ENTREP2: variants seen among roughly 807,000 people sequenced by gnomAD.
ENTREP2 encodes the protein protein ENTREP2.
At chr15:29,635,304 G>A in the ENTREP2 span, among the ~76,000 whole-genome samples, 1 of 152,190 alleles carries the variant, frequency 6.6e-6, no homozygotes, top group Admixed American at 6.5e-5. Context: ...CTGCCAGCCA[G>A]CAGTCAGTTC....
the ENTREP2 span, among the ~76,000 whole-genome samples, chr15:29,615,392 G>A: frequency 4.5e-4 from 68 of 152,162 alleles, no homozygotes; most frequent in South Asian, 1.5e-3. Context: ...CTGACCTCAG[G>A]TGATCCGCCC....
chr15:29,386,906 C>A, the ENTREP2 span, among the ~76,000 whole-genome samples: 7 of 152,132 alleles, frequency 4.6e-5, no homozygotes, highest in Non-Finnish European at 1.0e-4. Context: ...GGGCTGAGAC[C>A]ATGGGGTTTT....
chr15:29,670,372 G>A, the ENTREP2 span, among the ~76,000 whole-genome samples: 2 of 152,010 alleles, frequency 1.3e-5, no homozygotes, highest in Admixed American at 6.5e-5. Flanking sequence ...TGGTTCCAGC[G>A]GTGATTCCCA....
At chr15:29,263,916 T>C in the ENTREP2 span, among the ~76,000 whole-genome samples, 4 of 152,030 alleles carry the variant, frequency 2.6e-5, no homozygotes. Context: ...CCCAGCACTT[T>C]GGGAGGCCGA....
chr15:29,553,679 G>A, the ENTREP2 span, among the ~76,000 whole-genome samples: 1 of 152,124 alleles, frequency 6.6e-6, no homozygotes, highest in Non-Finnish European at 1.5e-5. Context: ...TACTAGCTCT[G>A]GGGGAAGCAG....
chr15:29,347,734 A>G, the ENTREP2 span, among the ~76,000 whole-genome samples: 130 of 152,344 alleles, frequency 8.5e-4, no homozygotes, highest in African/African-American at 3.0e-3. Context: ...CAAAGCATTC[A>G]CATGAAGTCC....
At chr15:29,159,711 T>C in the ENTREP2 span, among the ~76,000 whole-genome samples, 5,784 of 152,146 alleles carry the variant, frequency 0.038, 342 homozygotes, top group African/African-American at 0.13. Flanking sequence ...AGAGTGTCGA[T>C]TGGTGCATTC....
chr15:29,539,208 AC>A, the ENTREP2 span, among the ~76,000 whole-genome samples: 2 of 72,116 alleles, frequency 2.8e-5, no homozygotes, highest in Admixed American at 2.2e-4. Context: ...TCCTCTCCCC[AC>A]CCCCCACCCC....
At chr15:29,268,772 G>A in the ENTREP2 span, 29 of 1,579,608 alleles carry the variant, frequency 1.8e-5, no homozygotes, top group Admixed American at 3.5e-4. Flanking sequence ...TGTCCCGGGG[G>A]TCCCTCTGAA....
At chr15:29,158,570 A>G in the ENTREP2 span, among the ~76,000 whole-genome samples, 1 of 151,974 alleles carries the variant, frequency 6.6e-6, no homozygotes, top group Non-Finnish European at 1.5e-5. Context: ...ACTCCCGTCT[A>G]ATTTTGATGT....
At chr15:29,285,265 T>G in the ENTREP2 span, among the ~76,000 whole-genome samples, 2 of 152,154 alleles carry the variant, frequency 1.3e-5, no homozygotes, top group African/African-American at 4.8e-5. Context: ...GGAGATGAAC[T>G]TGCTTCTTCC....
the ENTREP2 span, among the ~76,000 whole-genome samples, chr15:29,325,845 C>A: frequency 6.6e-6 from 1 of 152,034 alleles, no homozygotes; most frequent in Non-Finnish European, 1.5e-5. Context: ...AAGTTCTCAA[C>A]AAAATATTAG....
At chr15:29,302,260 A>C in the ENTREP2 span, among the ~76,000 whole-genome samples, 1 of 152,210 alleles carries the variant, frequency 6.6e-6, no homozygotes, top group Non-Finnish European at 1.5e-5. Context: ...ATGCATACCA[A>C]GATTTTAAAA....
chr15:29,572,577 A>G, the ENTREP2 span, among the ~76,000 whole-genome samples: 1 of 151,916 alleles, frequency 6.6e-6, no homozygotes. Context: ...AGGGTACATC[A>G]GTGAACAAAA....
the ENTREP2 span, among the ~76,000 whole-genome samples, chr15:29,635,112 G>C: frequency 6.6e-6 from 1 of 152,100 alleles, no homozygotes; most frequent in Non-Finnish European, 1.5e-5. Context: ...CAAAGTGCTG[G>C]TATTACAGGC....
At chr15:29,137,761 G>C in the ENTREP2 span, among the ~76,000 whole-genome samples, 1 of 152,144 alleles carries the variant, frequency 6.6e-6, no homozygotes, top group South Asian at 2.1e-4. Context: ...GCTTGAACCC[G>C]GGAGGCGGAG....
chr15:29,547,027 T>C, the ENTREP2 span, among the ~76,000 whole-genome samples: 2 of 151,026 alleles, frequency 1.3e-5, no homozygotes, highest in African/African-American at 4.9e-5. Flanking sequence ...GCTCAACATA[T>C]GTATAAAAGG....
the ENTREP2 span, among the ~76,000 whole-genome samples, chr15:29,463,152 T>C: frequency 1.3e-5 from 2 of 152,010 alleles, no homozygotes; most frequent in African/African-American, 2.4e-5. Flanking sequence ...CCTGCAGAAC[T>C]TAGGAGCCTG....
chr15:29,344,931 G>GACACACACACACACACGCAGAC, the ENTREP2 span, among the ~76,000 whole-genome samples: 3 of 142,496 alleles, frequency 2.1e-5, no homozygotes, highest in Non-Finnish European at 3.1e-5. Context: ...CACGCGCGCA[G>GACACACACACACACACGCAGAC]ACACACACAC....
Sources: allele counts gnomAD v4.1 joint callset (sites outside exome capture counted in the v4.1 genomes callset), GRCh38; gene constraint gnomAD v4.1.1; transcripts MANE v1.5; gene names NCBI Gene and HGNC (gene_info 2026-07-23, HGNC 2026-07-21).